Variants in CBLN2 observed in about 807,000 individuals in gnomAD.
CBLN2 encodes cerebellin 2 precursor, also known as cerebellin-2.
A neutral mutation model predicts 15.0 loss-of-function variants in CBLN2; 7 were observed. That is an observed-to-expected ratio of 0.47 (90% CI 0.27 to 0.88). CBLN2 has a LOEUF of 0.88. CBLN2 is among the 40% of genes least tolerant of loss of function. The pLI is 0.14. For synonymous variants in CBLN2, 149 were observed against 135.2 expected, an observed-to-expected ratio of 1.10 and a Z score of -0.71; for missense variants, 242 against 304.5, an observed-to-expected ratio of 0.79 and a Z score of 1.53.
intron 1 of CBLN2, among the ~76,000 whole-genome samples, chr18:72,553,847 A>G (rs930489550): frequency 6.6e-6 from 1 of 152,230 alleles, no homozygotes; most frequent in Admixed American, 6.5e-5. Context: ...GATTGATGTT[A>G]TAAACTCTGA....
chr18:72,586,211 G>A (rs767010419), intron 1 of CBLN2, among the ~76,000 whole-genome samples: 2 of 152,202 alleles, frequency 1.3e-5, no homozygotes, highest in Non-Finnish European at 2.9e-5. Flanking sequence ...TGGCAGCAGT[G>A]CTCCAGATGG....
chr18:72,625,818 CTATA>C lies in CBLN2; in HGVS notation c.15+12503_15+12506del, dbSNP rs56391046. 5.3e-3 allele frequency among the ~76,000 whole-genome samples: 302 copies of C among 57,374 alleles called. 7 individuals are homozygous for C. Among genetic ancestry groups the C allele is most frequent in the African/African-American group, 0.018 (277 of 15,678 alleles). 37.6% of individuals were successfully genotyped at this position (57,374 alleles called of 152,430 possible). ...TCTCTCTCTCTCTCTCTCTCTCTCT[CTATA>C]TATATATATATATATATATATAGTA... is the stretch of plus-strand genomic sequence containing the variant. On this transcript the variant is annotated intron_variant, in intron 1 of 2. Coordinates refer to the CBLN2 transcript ENST00000581073.
chr18:72,620,012 A>G (rs960977173), intron 1 of CBLN2, among the ~76,000 whole-genome samples: 3 of 152,238 alleles, frequency 2.0e-5, no homozygotes, highest in Non-Finnish European at 4.4e-5. Context: ...ATGGGTGAGC[A>G]AGTAAGCGAC....
rs116491373 is a variant in CBLN2, at chr18:72,638,074, T to C, written c.15+251A>G. On this transcript the variant is annotated intron_variant, in intron 1 of 2. Transcript: ENST00000581073. ...GAGTGAGGGCCCTGCTATTTCTACCTGCATAATGTATCGTACATGTAAGAA... is the reference window on the plus strand; with the variant it reads ...GAGTGAGGGCCCTGCTATTTCTACCCGCATAATGTATCGTACATGTAAGAA... Among the ~76,000 whole-genome samples the C allele has an allele frequency of 9.6e-3, 1,467 of 152,322 alleles. 25 individuals are homozygous for C. The highest frequency in any genetic ancestry group is 0.033 in the African/African-American group (1,391 of 41,558).
intron 1 of CBLN2, among the ~76,000 whole-genome samples, chr18:72,596,884 C>T (rs1299296252): frequency 1.3e-5 from 2 of 152,016 alleles, no homozygotes; most frequent in Non-Finnish European, 2.9e-5. Flanking sequence ...ATAGCAAATG[C>T]CTTGGTAGTC....
chr18:72,576,254 T>C (rs2069365798), intron 1 of CBLN2, among the ~76,000 whole-genome samples: 1 of 152,188 alleles, frequency 6.6e-6, no homozygotes, highest in African/African-American at 2.4e-5. Flanking sequence ...TTCTGACACA[T>C]AACAGACTAT....
chr18:72,636,490 T>C (rs2069813440), intron 1 of CBLN2, among the ~76,000 whole-genome samples: 1 of 152,208 alleles, frequency 6.6e-6, no homozygotes, highest in Non-Finnish European at 1.5e-5. Flanking sequence ...GGTTGTATCT[T>C]TATCAAATTT....
At chr18:72,620,799 T>C (rs1000854502) in intron 1 of CBLN2, among the ~76,000 whole-genome samples, 1 of 152,228 alleles carries the variant, frequency 6.6e-6, no homozygotes, top group Admixed American at 6.5e-5. Context: ...CAACTTTTGA[T>C]ATTTTGCCTT....
At position 72,621,360 on chromosome 18, in the gene CBLN2, A is replaced by G. The variant is rs574294228; in HGVS notation, c.15+16965T>C. ...TTTACGTGATATTTTTGATAGAACT[A>G]TAAGCTTGATATATTTGTGTTATAT... is the stretch of plus-strand genomic sequence containing the variant. On this transcript the variant is annotated intron_variant, in intron 1 of 2. Transcript: ENST00000581073. Among the ~76,000 whole-genome samples, 202 of 152,314 alleles carry G rather than the reference A, an allele frequency of 1.3e-3. 1 individual carries two copies. Among genetic ancestry groups the G allele is most frequent in the African/African-American group, 4.7e-3 (196 of 41,592 alleles).
intron 1 of CBLN2, among the ~76,000 whole-genome samples, chr18:72,572,866 A>G (rs1372502749): frequency 6.6e-6 from 1 of 151,836 alleles, no homozygotes; most frequent in Non-Finnish European, 1.5e-5. Flanking sequence ...TATAAAAAAC[A>G]AAAATAAAAT....
At chr18:72,623,181 C>T (rs1378346299) in intron 1 of CBLN2, among the ~76,000 whole-genome samples, 1 of 152,072 alleles carries the variant, frequency 6.6e-6, no homozygotes, top group Non-Finnish European at 1.5e-5. Context: ...GGGGAATTCA[C>T]CCCCATCATC....
At chr18:72,582,004 C>G (rs956835136) in intron 1 of CBLN2, among the ~76,000 whole-genome samples, 3 of 152,148 alleles carry the variant, frequency 2.0e-5, no homozygotes, top group African/African-American at 7.2e-5. Context: ...TATGAAAGGA[C>G]TGCCTTTCCT....
chr18:72,543,111 C>A lies in CBLN2; in HGVS notation c.-167+375G>T, dbSNP rs1413586442. On this transcript the variant is annotated intron_variant, in intron 2 of 4. Transcript: ENST00000269503. This position sits in a 1 kb window ranked among gnomAD's most constrained non-coding sequence, Gnocchi z 6.8. ...TATTCTCCAGCTCTGGTTTCCAGAC[C>A]ACGGGGATTCTCTCTTTCTCAGCGG... The A allele has an allele frequency of 2.2e-5, 4 of 184,436 alleles. No homozygotes were observed. The highest frequency in any genetic ancestry group is 4.5e-5 in the Non-Finnish European group (4 of 89,264). The allele number at this position is 184,436 out of a possible 1,614,324, so 11.4% of individuals were successfully genotyped here.
At chr18:72,584,955 T>C (rs766691757) in intron 1 of CBLN2, among the ~76,000 whole-genome samples, 2 of 152,168 alleles carry the variant, frequency 1.3e-5, no homozygotes, top group Non-Finnish European at 2.9e-5. Context: ...GTGAAGGGTG[T>C]GTGAGCAAGT....
At chr18:72,557,073 C>T (rs1189573690) in intron 1 of CBLN2, among the ~76,000 whole-genome samples, 2 of 151,088 alleles carry the variant, frequency 1.3e-5, no homozygotes, top group Non-Finnish European at 2.9e-5. Flanking sequence ...CAGTTTTTCC[C>T]CTACAATATC....
At chr18:72,600,223 A>C (rs898381829) in intron 1 of CBLN2, among the ~76,000 whole-genome samples, 2 of 152,238 alleles carry the variant, frequency 1.3e-5, no homozygotes, top group Admixed American at 1.3e-4. Context: ...AAATTACTCA[A>C]AAAGAAGGAA....
chr18:72,576,633 A>T (rs941937156), intron 1 of CBLN2, among the ~76,000 whole-genome samples: 16 of 152,272 alleles, frequency 1.1e-4, no homozygotes, highest in Middle Eastern at 3.4e-3. Flanking sequence ...AATACCAGTC[A>T]GTTCAGTTCT....
At chr18:72,547,309 G>A (rs185495944), upstream of CBLN2, among the ~76,000 whole-genome samples, 256 of 152,090 alleles carry the variant, frequency 1.7e-3, 1 homozygote, top group African/African-American at 5.4e-3. Context: ...GCGCACACAC[G>A]AACAAAGAGA....
intron 1 of CBLN2, among the ~76,000 whole-genome samples, chr18:72,609,063 G>T (rs2069603569): frequency 6.6e-6 from 1 of 152,140 alleles, no homozygotes; most frequent in Admixed American, 6.5e-5. Context: ...TGAGATTTGG[G>T]TGGGAACACA....
Sources: gnomAD v4.1 joint callset for allele counts (sites outside exome capture counted in the v4.1 genomes callset) on GRCh38, gnomAD v4.1.1 for gene constraint, Gnocchi (gnomAD v3.1) non-coding constraint, MANE v1.5 for transcripts, NCBI Gene and HGNC (gene_info 2026-07-23, HGNC 2026-07-21) for gene names.